Variants in EXOC4 observed in about 807,000 individuals in gnomAD.
EXOC4 encodes exocyst complex component 4, also known as SEC8-like 1.
EXOC4 carries 71 observed loss-of-function variants against 107.2 expected under a neutral mutation model. The observed-to-expected ratio is 0.66, with a 90% CI of 0.55 to 0.81. The LOEUF is 0.81. EXOC4 is among the 30% of genes least tolerant of loss of function. EXOC4 has a pLI of 0.00. For synonymous variants in EXOC4, 456 were observed against 441.2 expected (o/e 1.03, Z -0.42); for missense variants, 1,108 against 1,189.6 (o/e 0.93, Z 1.01).
chr7:133,641,944 C>G (rs1802866354), intron 10 of EXOC4, among the ~76,000 whole-genome samples: 1 of 152,142 alleles, frequency 6.6e-6, no homozygotes, highest in Non-Finnish European at 1.5e-5. Flanking sequence ...GAGGATTTCA[C>G]TGAAGATTAA....
chr7:133,781,675 CA>C (rs1796470548), intron 10 of EXOC4, among the ~76,000 whole-genome samples: 12 of 152,184 alleles, frequency 7.9e-5, no homozygotes, highest in Non-Finnish European at 1.5e-4. Context: ...GATATGTCCC[CA>C]GAGAGTCTGC....
chr7:133,909,997 C>T (rs1799655297), intron 12 of EXOC4, among the ~76,000 whole-genome samples: 1 of 132,576 alleles, frequency 7.5e-6, no homozygotes, highest in Admixed American at 9.3e-5. Flanking sequence ...GACCTTGGCT[C>T]TCTGCAACCT....
At chr7:134,004,765 A>T (rs1041950166) in intron 15 of EXOC4, 147 bp from the exon 16 acceptor site, 1 of 622,114 alleles carries the variant, frequency 1.6e-6, no homozygotes, top group Non-Finnish European at 2.7e-6. Flanking sequence ...TGGCACAAAT[A>T]GGGTACACAG....
chr7:133,277,300 T>G (rs982771850), intron 2 of EXOC4, among the ~76,000 whole-genome samples: 1 of 152,198 alleles, frequency 6.6e-6, no homozygotes, highest in Admixed American at 6.5e-5. Flanking sequence ...GGTCAATGAA[T>G]GTATAGAGCT....
chr7:133,926,605 T>C (rs1462543261), intron 13 of EXOC4, among the ~76,000 whole-genome samples: 1 of 152,192 alleles, frequency 6.6e-6, no homozygotes, highest in East Asian at 1.9e-4. Flanking sequence ...CTGCTTGTCT[T>C]ATTTTCCTCT....
intron 9 of EXOC4, among the ~76,000 whole-genome samples, chr7:133,625,456 T>C (rs1490633897): frequency 2.0e-5 from 3 of 152,268 alleles, no homozygotes; most frequent in Non-Finnish European, 2.9e-5. Context: ...TTCTTCCCTC[T>C]GTTCCATAGT....
chr7:133,323,225 C>G lies in EXOC4; in HGVS notation c.763+5835C>G, dbSNP rs141069415. ...TATTTCCTTCTCTTGCCTGATTGCCCTGGCCAGAACTTCCAATAGTATGTT... is the reference window on the plus strand; with the variant it reads ...TATTTCCTTCTCTTGCCTGATTGCCGTGGCCAGAACTTCCAATAGTATGTT... On this transcript the variant is annotated intron_variant, in intron 5 of 17. Coordinates refer to ENST00000253861, the MANE Select transcript of EXOC4 (RefSeq NM_021807.4). Among the ~76,000 whole-genome samples the G allele has an allele frequency of 6.2e-4, 94 of 152,248 alleles. 2 individuals carry two copies. In the East Asian group the frequency reaches 0.017, roughly 28 times the overall value.
intron 10 of EXOC4, among the ~76,000 whole-genome samples, chr7:133,708,048 T>G (rs1454494155): frequency 5.3e-5 from 8 of 152,190 alleles, no homozygotes; most frequent in Non-Finnish European, 7.3e-5. Flanking sequence ...TAATGTGCTT[T>G]TTTGAAATCT....
At chr7:133,467,340 C>A (rs1314822995) in intron 7 of EXOC4, among the ~76,000 whole-genome samples, 1 of 150,904 alleles carries the variant, frequency 6.6e-6, no homozygotes, top group Non-Finnish European at 1.5e-5. Flanking sequence ...TAGTTTAAAA[C>A]CTTTTAATTT....
chr7:133,703,900 G>T lies in EXOC4; in HGVS notation c.1514+73759G>T, dbSNP rs570318994. Among the ~76,000 whole-genome samples, 3 of 152,272 alleles carry T rather than the reference G, an allele frequency of 2.0e-5. No individual in the cohort carries two copies. In the South Asian group the frequency reaches 6.2e-4, roughly 32 times the overall value. The stretch of plus-strand genomic sequence containing the variant: ...CAGTGAATTGCTCTGCTCCTTCATG[G>T]TCAGCAGATGCTTTCTCACTGTATA... On this transcript the variant is annotated intron_variant, in intron 10 of 17. Transcript: ENST00000253861.
chr7:133,917,562 T>C, intron 12 of EXOC4, 21 bp from the exon 13 acceptor site: 1 of 1,611,314 alleles, frequency 6.2e-7, no homozygotes, highest in Non-Finnish European at 8.5e-7. Flanking sequence ...ACAGTGTCTC[T>C]TTTCTATTGG....
chr7:133,581,554 C>G (rs933488095), intron 9 of EXOC4, among the ~76,000 whole-genome samples: 2 of 151,248 alleles, frequency 1.3e-5, no homozygotes, highest in African/African-American at 2.4e-5. Flanking sequence ...GTCAGGAGAT[C>G]GAGACCATCC....
chr7:133,694,526 C>A (rs1373055041), intron 10 of EXOC4, among the ~76,000 whole-genome samples: 1 of 152,148 alleles, frequency 6.6e-6, no homozygotes, highest in Non-Finnish European at 1.5e-5. Flanking sequence ...TACCTTTGGT[C>A]TAACAGTATG....
chr7:133,667,602 A>G (rs1250265796), intron 10 of EXOC4, among the ~76,000 whole-genome samples: 2 of 152,206 alleles, frequency 1.3e-5, no homozygotes, highest in Non-Finnish European at 2.9e-5. Context: ...ACTTGAGGGA[A>G]GTATTCCATG....
At chr7:133,813,298 A>G (rs1797281938) in intron 10 of EXOC4, among the ~76,000 whole-genome samples, 1 of 152,212 alleles carries the variant, frequency 6.6e-6, no homozygotes. Flanking sequence ...CCATCTGTTT[A>G]TGAGCAGATT....
At chr7:133,415,632 T>C (rs1441889421) in intron 7 of EXOC4, among the ~76,000 whole-genome samples, 2 of 152,168 alleles carry the variant, frequency 1.3e-5, no homozygotes, top group Non-Finnish European at 2.9e-5. Context: ...TATAAAAAAA[T>C]GGGAAGAGAT....
chr7:133,884,327 C>A (rs1342373296), intron 11 of EXOC4, among the ~76,000 whole-genome samples: 1 of 152,168 alleles, frequency 6.6e-6, no homozygotes, highest in Non-Finnish European at 1.5e-5. Flanking sequence ...TTTCCACTTA[C>A]CACCCTCGCA....
chr7:133,305,293 A>G (rs972396408), intron 3 of EXOC4, among the ~76,000 whole-genome samples: 1 of 152,102 alleles, frequency 6.6e-6, no homozygotes, highest in African/African-American at 2.4e-5. Flanking sequence ...CGTTTCTTCT[A>G]TCAAACTGAA....
intron 9 of EXOC4, among the ~76,000 whole-genome samples, chr7:133,514,630 A>G (rs1337016564): frequency 1.3e-5 from 2 of 152,212 alleles, no homozygotes; most frequent in Non-Finnish European, 2.9e-5. Context: ...AGACTCCTTA[A>G]TCTAGATTTA....
Sources: allele counts gnomAD v4.1 joint callset (sites outside exome capture counted in the v4.1 genomes callset), GRCh38; gene constraint gnomAD v4.1.1; transcripts MANE v1.5; gene names NCBI Gene and HGNC (gene_info 2026-07-23, HGNC 2026-07-21).